IGF1: variants seen among roughly 807,000 people sequenced by gnomAD.
IGF1 encodes insulin-like growth factor 1.
IGF1 carries 4 observed loss-of-function variants against 13.8 expected under a neutral mutation model. That is an observed-to-expected ratio of 0.29 (90% CI 0.14 to 0.66). The LOEUF (loss-of-function observed/expected upper bound fraction) is 0.66. IGF1 is among the 30% of genes least tolerant of loss of function. IGF1 has a pLI of 0.78. For synonymous variants in IGF1, 76 were observed against 72.6 expected (o/e 1.05, Z -0.23); for missense variants, 124 against 188.5 (o/e 0.66, Z 2.00).
intron 1 of IGF1, among the ~76,000 whole-genome samples, chr12:102,477,075 A>G (rs1186274028): frequency 6.6e-6 from 1 of 151,770 alleles, no homozygotes; most frequent in Non-Finnish European, 1.5e-5. Context: ...TAAGAAGAGC[A>G]TTTTTTTTGA....
At chr12:102,419,841 C>G in intron 2 of IGF1, 151 bp from the exon 3 acceptor site, 1 of 746,378 alleles carries the variant, frequency 1.3e-6, no homozygotes, top group Non-Finnish European at 2.3e-6. Context: ...GATTCCTGAC[C>G]CCACGTATCT....
chr12:102,423,562 A>G (rs1017141316), intron 2 of IGF1, among the ~76,000 whole-genome samples: 1 of 152,226 alleles, frequency 6.6e-6, no homozygotes, highest in African/African-American at 2.4e-5. Context: ...CTCCTCCATG[A>G]CTAGACATAA....
intron 2 of IGF1, among the ~76,000 whole-genome samples, chr12:102,465,830 G>A (rs981078063): frequency 1.1e-4 from 16 of 152,114 alleles, no homozygotes; most frequent in African/African-American, 3.4e-4. Flanking sequence ...CCAGCTACTC[G>A]GGAGGCTGAG....
At chr12:102,418,398 C>T (rs565201070) in intron 3 of IGF1, among the ~76,000 whole-genome samples, 64 of 152,330 alleles carry the variant, frequency 4.2e-4, no homozygotes, top group African/African-American at 1.5e-3. Flanking sequence ...TCCCTGGGGT[C>T]ACATCTCCAA....
intron 3 of IGF1, among the ~76,000 whole-genome samples, chr12:102,414,151 T>C (rs905677709): frequency 4.6e-5 from 7 of 152,070 alleles, no homozygotes; most frequent in African/African-American, 1.7e-4. Flanking sequence ...GTAATATGTG[T>C]CTCTGAATAT....
chr12:102,415,259 TCCA>T (rs1874986842), intron 3 of IGF1, among the ~76,000 whole-genome samples: 2 of 2,234 alleles, frequency 9.0e-4, no homozygotes, highest in Non-Finnish European at 4.3e-3. Context: ...CATCCATTCA[TCCA>T]TCCATCCATC....
At chr12:102,455,494 G>A (rs1488700665) in intron 2 of IGF1, among the ~76,000 whole-genome samples, 1 of 152,188 alleles carries the variant, frequency 6.6e-6, no homozygotes, top group East Asian at 1.9e-4. Context: ...ATTTTCAGTT[G>A]ACAAGTTAAG....
At chr12:102,452,421 T>C (rs1176333819) in intron 2 of IGF1, among the ~76,000 whole-genome samples, 1 of 152,194 alleles carries the variant, frequency 6.6e-6, no homozygotes, top group Non-Finnish European at 1.5e-5. Flanking sequence ...AGTGTGAGAA[T>C]GGACTCATAC....
At chr12:102,476,659 TC>T (rs1332066128) in intron 1 of IGF1, among the ~76,000 whole-genome samples, 2 of 152,120 alleles carry the variant, frequency 1.3e-5, no homozygotes, top group Non-Finnish European at 2.9e-5. Context: ...CTGGCAAAAA[TC>T]TTTTATTTTA....
chr12:102,397,199 C>G lies in IGF1; in HGVS notation c.*5308G>C. The G allele has an allele frequency of 4.9e-6, 1 of 203,474 alleles. No homozygotes were observed. The allele number at this position is 203,474 out of a possible 1,614,324, so 12.6% of individuals were successfully genotyped here. A position where few individuals can be genotyped will look rare whatever the true frequency, so the allele number is the denominator to read the frequency against. ...CCTGGGGGACAGTGCGAGACCCCAT[C>G]TCACAAAAAGGAAAAAAAAAAAGAG... is the stretch of plus-strand genomic sequence containing the variant. On this transcript the variant is annotated 3_prime_UTR_variant, in exon 4 of 4. Coordinates refer to ENST00000337514, the MANE Select transcript of IGF1 (RefSeq NM_000618.5).
In IGF1 at chr12:102,397,952, A is replaced by G. The variant is rs1873350394; in HGVS notation, c.*4555T>C. 1 of 152,390 alleles carries G rather than the reference A, an allele frequency of 6.6e-6. No individual in the cohort carries two copies. Among genetic ancestry groups the G allele is most frequent in the Non-Finnish European group, 1.5e-5 (1 of 68,012 alleles). The allele number at this position is 152,390 out of a possible 1,614,324, so 9.4% of individuals were successfully genotyped here. A position where few individuals can be genotyped will look rare whatever the true frequency, so the allele number is the denominator to read the frequency against. ...TGATTATAGCTTCAACAAGTCAAAC[A>G]TACATTTCTATCTAGCCTATAGTTT... On this transcript the variant is annotated 3_prime_UTR_variant, in exon 4 of 4. Coordinates refer to ENST00000337514, the MANE Select transcript of IGF1 (RefSeq NM_000618.5).
At chr12:102,435,609 G>A (rs1218249118) in intron 2 of IGF1, among the ~76,000 whole-genome samples, 5 of 152,178 alleles carry the variant, frequency 3.3e-5, no homozygotes, top group Admixed American at 6.5e-5. Context: ...GAGAGTTTAA[G>A]TGGCTTATGA....
intron 3 of IGF1, among the ~76,000 whole-genome samples, chr12:102,408,447 G>C (rs1324883677): frequency 1.3e-5 from 2 of 152,198 alleles, no homozygotes; most frequent in South Asian, 2.1e-4. Flanking sequence ...CAAAACCAAA[G>C]AACAAGGTGC....
At chr12:102,419,464 G>C (rs1875470674) in intron 3 of IGF1, 45 bp downstream of exon 3, 3 of 1,593,842 alleles carry the variant, frequency 1.9e-6, no homozygotes, top group South Asian at 2.3e-5. Context: ...ATGCACAAGA[G>C]AGAGACCACT....
chr12:102,445,828 C>T (rs763248711), intron 2 of IGF1, among the ~76,000 whole-genome samples: 13 of 152,174 alleles, frequency 8.5e-5, no homozygotes, highest in Non-Finnish European at 1.5e-4. Context: ...AAAGGGAGTG[C>T]TTCCAGCTTT....
intron 3 of IGF1, among the ~76,000 whole-genome samples, chr12:102,416,818 C>T (rs10860863): frequency 0.96 from 145,592 of 152,280 alleles, 69,651 homozygotes; most frequent in East Asian, 1. Context: ...TGTGTTGAAG[C>T]CCTAACTCCC....
At chr12:102,416,026 G>A (rs1350030598) in intron 3 of IGF1, among the ~76,000 whole-genome samples, 1 of 152,160 alleles carries the variant, frequency 6.6e-6, no homozygotes, top group Non-Finnish European at 1.5e-5. Context: ...GGATTGAGCC[G>A]TGAACATGTC....
At chr12:102,447,069 A>G (rs1184597711) in intron 2 of IGF1, among the ~76,000 whole-genome samples, 1 of 152,058 alleles carries the variant, frequency 6.6e-6, no homozygotes, top group South Asian at 2.1e-4. Context: ...TTCTAATTTG[A>G]TTGCACTGTG....
chr12:102,455,658 A>G (rs1398360658), intron 2 of IGF1, among the ~76,000 whole-genome samples: 2 of 152,222 alleles, frequency 1.3e-5, no homozygotes, highest in African/African-American at 4.8e-5. Flanking sequence ...AGCTGAAATC[A>G]AAAGCCTCCA....
Sources: allele counts gnomAD v4.1 joint callset (sites outside exome capture counted in the v4.1 genomes callset), GRCh38; gene constraint gnomAD v4.1.1; transcripts MANE v1.5; gene names NCBI Gene and HGNC (gene_info 2026-07-23, HGNC 2026-07-21).